The following INSL4 variants were observed in gnomAD, a reference collection of about 807,000 sequenced individuals.
INSL4 encodes the protein insulin like 4, also known as early placenta insulin-like peptide.
Under a neutral mutation model 6.5 loss-of-function variants are expected in INSL4, and 7 were observed. The observed-to-expected ratio is 1.08, with a 90% CI of 0.61 to 2.02. The LOEUF (loss-of-function observed/expected upper bound fraction) is 2.02. Ranked by LOEUF, INSL4 falls within the 30% of genes most tolerant of loss-of-function variation. INSL4 has a pLI of 0.00. For missense variants in INSL4, 226 were observed against 163.2 expected (o/e 1.38, Z -2.09); for synonymous variants, 82 against 65.8 (o/e 1.25, Z -1.19).
chr9:5,232,694 T>C (rs1346218618), intron 1 of INSL4, among the ~76,000 whole-genome samples: 1 of 152,224 alleles, frequency 6.6e-6, no homozygotes, highest in Non-Finnish European at 1.5e-5. Flanking sequence ...TAGAGGCTAC[T>C]ATATTCTGTC....
rs775069156 is a variant in INSL4, at chr9:5,233,700, G to A, written c.243G>A (p.Thr81=). 8.2e-5 allele frequency: 132 copies of A among 1,613,452 alleles called. No homozygotes were observed. The highest frequency in any genetic ancestry group is 1.0e-4 in the Non-Finnish European group (119 of 1,179,702). The change falls in exon 2 of 2, where the codon ACG becomes ACA. Residue 81 remains threonine (T), a synonymous_variant. Transcript: ENST00000239316. ...SNNKDGQALG[T]TSEFIPNLSP... is the part of the protein sequence containing the mutation. ...ACAAAGATGGACAAGCCTTAGGTAC[G>A]ACATCAGAATTCATTCCTAATTTGT...
chr9:5,233,920 A>G lies in INSL4; in HGVS notation c.*43A>G. On this transcript the variant is annotated 3_prime_UTR_variant, in exon 2 of 2. Transcript: ENST00000239316. The stretch of plus-strand genomic sequence containing the variant: ...GGACATCTCATCCATTCTCATATGT[A>G]TTCTCAATGACAAATTCACTGATGC... The G allele has an allele frequency of 7.6e-7, 1 of 1,311,514 alleles. No individual in the cohort carries two copies. Among genetic ancestry groups the G allele is most frequent in the Non-Finnish European group, 1.1e-6 (1 of 910,338 alleles). The allele number at this position is 1,311,514 out of a possible 1,614,324, so 81.2% of individuals were successfully genotyped here.
intron 1 of INSL4, among the ~76,000 whole-genome samples, chr9:5,233,018 T>C (rs576109987): frequency 6.6e-6 from 1 of 152,312 alleles, no homozygotes; most frequent in South Asian, 2.1e-4. Context: ...CAATTTCTAA[T>C]GCAAACTAAG....
chr9:5,233,837 T>A lies in INSL4; in HGVS notation c.380T>A (p.Val127Glu). The A allele has an allele frequency of 3.1e-6, 5 of 1,613,514 alleles. No homozygotes were observed. In the East Asian group the frequency reaches 1.1e-4, roughly 36 times the overall value. Reference protein sequence around the residue: ...RHRFDPFCCEVICDDGTSVKL... With the variant: ...RHRFDPFCCEEICDDGTSVKL... ...AGATTTGATCCATTCTGTTGTGAAG[T>A]AATTTGTGACGATGGAACTTCAGTT... The change falls in exon 2 of 2, where the codon GTA becomes GAA. Residue 127 changes from valine (V) to glutamate (E), a missense_variant. Physicochemically the swap from Val to Glu is moderately radical, Grantham distance 121. Coordinates refer to ENST00000239316, the MANE Select transcript of INSL4 (RefSeq NM_002195.2).
In INSL4 at chr9:5,231,707, G is replaced by C. The variant is rs756093255; in HGVS notation, c.184G>C (p.Gly62Arg). The C allele has an allele frequency of 1.2e-5, 20 of 1,613,496 alleles. No individual in the cohort carries two copies. The highest frequency in any genetic ancestry group is 8.3e-5 in the Admixed American group (5 of 59,976). Residue 62 changes from glycine (G) to arginine (R), a missense_variant, in exon 1 of 2, where the codon GGA becomes CGA. Transcript: ENST00000239316. ...TTPGGWLLESGRPKEMVSTSN... is the reference protein window; with the variant it reads ...TTPGGWLLESRRPKEMVSTSN... ...CCCAGGAGGGTGGCTGCTGGAATCTGGACGTCCCAAAGGTGAGAGCCCTGG... is the reference window on the plus strand; with the variant it reads ...CCCAGGAGGGTGGCTGCTGGAATCTCGACGTCCCAAAGGTGAGAGCCCTGG...
At position 5,233,802 on chromosome 9, in the gene INSL4, T is replaced by C. The variant is rs1563714708; in HGVS notation, c.345T>C (p.Ser115=). The change falls in exon 2 of 2, where the codon AGT becomes AGC. Residue 115 remains serine (S), a synonymous_variant. Coordinates refer to ENST00000239316, the MANE Select transcript of INSL4 (RefSeq NM_002195.2). The stretch of plus-strand genomic sequence containing the variant: ...TAATACTTTCCCGCAAAAAGAGAAG[T>C]GGACGTCACAGATTTGATCCATTCT... ...KKIILSRKKR[S]GRHRFDPFCC... 6.2e-7 allele frequency: 1 copy of C among 1,613,684 alleles called. No homozygotes were observed. The highest frequency in any genetic ancestry group is 8.5e-7 in the Non-Finnish European group (1 of 1,179,714).
rs1563713876 is a variant in INSL4, at chr9:5,231,626, T to C, written c.103T>C (p.Phe35Leu). 6.2e-7 allele frequency: 1 copy of C among 1,613,884 alleles called. No individual in the cohort carries two copies. Among genetic ancestry groups the C allele is most frequent in the South Asian group, 1.1e-5 (1 of 91,082 alleles). Residue 35 changes from phenylalanine (F) to leucine (L), a missense_variant, in exon 1 of 2, where the codon TTT becomes CTT. Phe to Leu is a conservative substitution (Grantham distance 22). Transcript: ENST00000239316. ...AGAGCTGAGGGGATGTGGTCCCCGA[T>C]TTGGAAAACACTTGCTGTCATATTG... ...AAELRGCGPR[F>L]GKHLLSYCPM...
rs561242376 is a variant in INSL4, at chr9:5,233,925, C to T, written c.*48C>T. The T allele has an allele frequency of 8.7e-6, 11 of 1,268,260 alleles. No homozygotes were observed. Among genetic ancestry groups the T allele is most frequent in the African/African-American group, 5.9e-5 (4 of 67,762 alleles). The allele number at this position is 1,268,260 out of a possible 1,614,324, so 78.6% of individuals were successfully genotyped here. On this transcript the variant is annotated 3_prime_UTR_variant, in exon 2 of 2. Transcript: ENST00000239316. ...TCTCATCCATTCTCATATGTATTCT[C>T]AATGACAAATTCACTGATGCCCAAT...
Position 5,231,423 on chromosome 9 carries a change from T to C in INSL4, c.-101T>C. 1 of 1,153,528 alleles carries C rather than the reference T, an allele frequency of 8.7e-7. No homozygotes were observed. The highest frequency in any genetic ancestry group is 1.2e-6 in the Non-Finnish European group (1 of 821,516). The allele number at this position is 1,153,528 out of a possible 1,614,324, so 71.5% of individuals were successfully genotyped here. A position where few individuals can be genotyped will look rare whatever the true frequency, so the allele number is the denominator to read the frequency against. ...TGATGAAGGCATGCAGAAAGCAGTCTGGAGCCCAGAAGGGACACACCAGCA... is the reference window on the plus strand; with the variant it reads ...TGATGAAGGCATGCAGAAAGCAGTCCGGAGCCCAGAAGGGACACACCAGCA... On this transcript the variant is annotated 5_prime_UTR_variant, in exon 1 of 2. Coordinates refer to ENST00000239316, the MANE Select transcript of INSL4 (RefSeq NM_002195.2).
intron 1 of INSL4, 78 bp from the exon 2 acceptor site, chr9:5,233,576 G>A (rs1479410086): frequency 3.6e-6 from 4 of 1,114,464 alleles, no homozygotes; most frequent in Non-Finnish European, 4.0e-6. Flanking sequence ...TGTGGTCTAG[G>A]CAAATTGTAT....
chr9:5,231,855 C>T, intron 1 of INSL4, 136 bp downstream of exon 1: 1 of 738,116 alleles, frequency 1.4e-6, no homozygotes, highest in Non-Finnish European at 2.2e-6. Flanking sequence ...TTGTAATGTG[C>T]TTTTATTAAA....
In INSL4 at chr9:5,233,755, G is replaced by A. The variant is rs1457214804; in HGVS notation, c.298G>A (p.Gly100Arg). The A allele has an allele frequency of 3.7e-6, 6 of 1,613,714 alleles. No individual in the cohort carries two copies. The Admixed American group carries it at 5.0e-5, about 13-fold the overall frequency. Residue 100 changes from glycine to arginine, a missense_variant, in exon 2 of 2, where the codon GGG becomes AGG. Transcript: ENST00000239316. ...SPELKKPLSEGQPSLKKIILS... is the reference protein window; with the variant it reads ...SPELKKPLSERQPSLKKIILS... ...AGAGCTGAAGAAACCACTGTCTGAA[G>A]GGCAGCCATCATTGAAGAAAATAAT...
chr9:5,233,568 T>C (rs559100858), intron 1 of INSL4, 86 bp from the exon 2 acceptor site: 108 of 955,624 alleles, frequency 1.1e-4, no homozygotes, highest in Middle Eastern at 8.6e-4. Context: ...GGGTACATTG[T>C]GGTCTAGGCA....
Position 5,231,622 on chromosome 9 carries a change from C to A in INSL4, c.99C>A (p.Pro33=). 6.2e-7 allele frequency: 1 copy of A among 1,613,876 alleles called. No homozygotes were observed. The highest frequency in any genetic ancestry group is 8.5e-7 in the Non-Finnish European group (1 of 1,179,882). Residue 33 remains proline, a synonymous_variant, in exon 1 of 2, where the codon CCC becomes CCA. Transcript: ENST00000239316. The part of the protein sequence containing the change: ...SLAAELRGCG[P]RFGKHLLSYC... ...CAGCAGAGCTGAGGGGATGTGGTCC[C>A]CGATTTGGAAAACACTTGCTGTCAT...
rs146863274 is a variant in INSL4, at chr9:5,231,891, A to G, written c.196+172A>G. 9.9e-3 allele frequency among the ~76,000 whole-genome samples: 1,513 copies of G among 152,196 alleles called. 17 individuals carry two copies. Among genetic ancestry groups the G allele is most frequent in the African/African-American group, 0.035 (1,448 of 41,540 alleles). Reference sequence around the variant, plus strand: ...AGGGTCTCACCAGAAATCTCATGGGAAGTTGGGGGTAGAGGAGAAGCTGCA... The same window carrying G: ...AGGGTCTCACCAGAAATCTCATGGGGAGTTGGGGGTAGAGGAGAAGCTGCA... On this transcript the variant is annotated intron_variant, in intron 1 of 1. Coordinates refer to ENST00000239316, the MANE Select transcript of INSL4 (RefSeq NM_002195.2).
In INSL4 at chr9:5,234,345, A is replaced by G. The variant is rs1826195162; in HGVS notation, c.*468A>G. 6.6e-6 allele frequency: 1 copy of G among 150,980 alleles called. No individual in the cohort carries two copies. Among genetic ancestry groups the G allele is most frequent in the Admixed American group, 6.4e-5 (1 of 15,714 alleles). 9.4% of individuals were successfully genotyped at this position (150,980 alleles called of 1,614,324 possible). Reference sequence around the variant, plus strand: ...CACATAAACACATACGTTCACACACACTCACTCAAGTCTCTTCATTTTTCC... The same window carrying G: ...CACATAAACACATACGTTCACACACGCTCACTCAAGTCTCTTCATTTTTCC... On this transcript the variant is annotated 3_prime_UTR_variant, in exon 2 of 2. Transcript: ENST00000239316.
chr9:5,233,925 C>A lies in INSL4; in HGVS notation c.*48C>A. The A allele has an allele frequency of 7.9e-7, 1 of 1,268,254 alleles. No individual in the cohort carries two copies. Among genetic ancestry groups the A allele is most frequent in the South Asian group, 1.2e-5 (1 of 81,164 alleles). The allele number at this position is 1,268,254 out of a possible 1,614,324, so 78.6% of individuals were successfully genotyped here. A position where few individuals can be genotyped will look rare whatever the true frequency, so the allele number is the denominator to read the frequency against. On this transcript the variant is annotated 3_prime_UTR_variant, in exon 2 of 2. Transcript: ENST00000239316. ...TCTCATCCATTCTCATATGTATTCT[C>A]AATGACAAATTCACTGATGCCCAAT...
rs1035055216 is a variant in INSL4, at chr9:5,234,556, G to A, written c.*679G>A. 1.3e-5 allele frequency: 2 copies of A among 152,740 alleles called. No homozygotes were observed. Among genetic ancestry groups the A allele is most frequent in the Non-Finnish European group, 2.9e-5 (2 of 68,148 alleles). The allele number at this position is 152,740 out of a possible 1,614,324, so 9.5% of individuals were successfully genotyped here. Reference sequence around the variant, plus strand: ...ATGCATATCCTCCACCTGCCTCTCAGCACGCTGCCTTTAGACCTTCAATCA... The same window carrying A: ...ATGCATATCCTCCACCTGCCTCTCAACACGCTGCCTTTAGACCTTCAATCA... On this transcript the variant is annotated 3_prime_UTR_variant, in exon 2 of 2. Coordinates refer to ENST00000239316, the MANE Select transcript of INSL4 (RefSeq NM_002195.2).
chr9:5,232,296 G>C (rs1024455225), intron 1 of INSL4, among the ~76,000 whole-genome samples: 1 of 152,108 alleles, frequency 6.6e-6, no homozygotes, highest in Middle Eastern at 3.2e-3. Flanking sequence ...ATTAAGCTGG[G>C]CAGTGGTCTA....
Sources: gnomAD v4.1 joint callset for allele counts (sites outside exome capture counted in the v4.1 genomes callset) on GRCh38, gnomAD v4.1.1 for gene constraint, MANE v1.5 for transcripts, NCBI Gene and HGNC (gene_info 2026-07-23, HGNC 2026-07-21) for gene names.